RGS7: variants seen among roughly 807,000 people sequenced by gnomAD.
RGS7 encodes regulator of G-protein signaling 7.
A neutral mutation model predicts 81.1 loss-of-function variants in RGS7; 27 were observed. The observed-to-expected ratio is 0.33, with a 90% confidence interval of 0.25 to 0.46. The LOEUF is 0.46. Among genes scored for constraint, RGS7 ranks in the 20% least tolerant of loss-of-function variants. The pLI, the probability that RGS7 is intolerant of heterozygous loss-of-function variation, is 1.00. For missense variants in RGS7, 396 were observed against 607.4 expected (o/e 0.65, Z 3.66); for synonymous variants, 208 against 207.7 (o/e 1.00, Z -0.01).
intron 9 of RGS7, among the ~76,000 whole-genome samples, chr1:240,859,787 T>A (rs2147976487): frequency 6.6e-6 from 1 of 152,282 alleles, no homozygotes; most frequent in East Asian, 1.9e-4. Context: ...AGTTTCCAAA[T>A]GTGGAAGTTT....
At chr1:241,020,827 C>T (rs549076078) in intron 3 of RGS7, among the ~76,000 whole-genome samples, 4 of 152,248 alleles carry the variant, frequency 2.6e-5, no homozygotes, top group Admixed American at 6.5e-5. Context: ...CAGTGCCAGA[C>T]AGTCAAGAAA....
Position 241,117,001 on chromosome 1 carries a change from G to A in RGS7, c.79-18239C>T, listed in dbSNP as rs542063689. Among the ~76,000 whole-genome samples, 8 of 152,184 alleles carry A rather than the reference G, an allele frequency of 5.3e-5. No individual in the cohort carries two copies. In the South Asian group the frequency reaches 8.3e-4, roughly 16 times the overall value. ...GAGCTAGGGTTCTGAGAATTAAACC[G>A]ATAGATGTAAGGTTACACAGTTGGT... On this transcript the variant is annotated intron_variant, in intron 2 of 18. Transcript: ENST00000440928.
intron 4 of RGS7, among the ~76,000 whole-genome samples, chr1:240,979,855 T>C (rs189780154): frequency 2.6e-5 from 4 of 152,256 alleles, no homozygotes; most frequent in Admixed American, 2.6e-4. Context: ...GGACAATCAA[T>C]TTGTTCAAAG....
At chr1:241,176,162 A>G (rs1345371821) in intron 2 of RGS7, among the ~76,000 whole-genome samples, 1 of 152,218 alleles carries the variant, frequency 6.6e-6, no homozygotes, top group Non-Finnish European at 1.5e-5. Context: ...CCCCTTTGTT[A>G]TTATGACTTC....
At chr1:241,027,155 A>G (rs2059831737) in intron 3 of RGS7, among the ~76,000 whole-genome samples, 1 of 151,776 alleles carries the variant, frequency 6.6e-6, no homozygotes, top group African/African-American at 2.4e-5. Context: ...GTTAGCTATG[A>G]TTATGTCATT....
intron 2 of RGS7, among the ~76,000 whole-genome samples, chr1:241,355,438 C>G (rs1184162207): frequency 6.6e-6 from 1 of 152,188 alleles, no homozygotes; most frequent in Non-Finnish European, 1.5e-5. Context: ...AATGCCCAAA[C>G]GTGCTGTCAT....
At chr1:240,896,559 G>A (rs1287672030) in intron 6 of RGS7, among the ~76,000 whole-genome samples, 2 of 152,224 alleles carry the variant, frequency 1.3e-5, no homozygotes, top group Non-Finnish European at 2.9e-5. Context: ...CCCATTTCTT[G>A]TTTTTGTCAG....
chr1:241,115,378 C>T (rs2065818881), intron 2 of RGS7, among the ~76,000 whole-genome samples: 2 of 152,152 alleles, frequency 1.3e-5, no homozygotes, highest in Non-Finnish European at 2.9e-5. Context: ...CACATCATAC[C>T]CAGCAATATT....
intron 18 of RGS7, among the ~76,000 whole-genome samples, chr1:240,779,311 C>T (rs185780223): frequency 6.6e-6 from 1 of 152,092 alleles, no homozygotes; most frequent in East Asian, 1.9e-4. Context: ...CATGCACCAC[C>T]ACGCCCGGCT....
intron 3 of RGS7, among the ~76,000 whole-genome samples, chr1:241,013,371 T>C (rs1173305464): frequency 6.6e-6 from 1 of 152,180 alleles, no homozygotes; most frequent in Non-Finnish European, 1.5e-5. Flanking sequence ...CCCTGATCCC[T>C]GCTTCGAGTC....
chr1:240,873,364 G>T (rs1277997472), intron 6 of RGS7, among the ~76,000 whole-genome samples: 1 of 152,038 alleles, frequency 6.6e-6, no homozygotes, highest in Non-Finnish European at 1.5e-5. Context: ...ATATCTCCCT[G>T]CAGTAGTTTT....
At chr1:240,834,406 A>C (rs1572328479) in intron 9 of RGS7, among the ~76,000 whole-genome samples, 1 of 152,234 alleles carries the variant, frequency 6.6e-6, no homozygotes, top group Non-Finnish European at 1.5e-5. Context: ...AATCATACGA[A>C]GTCAGCCTGA....
At position 241,357,175 on chromosome 1, in the gene RGS7, G is replaced by T. The variant is rs949691482; in HGVS notation, c.-327C>A. Reference sequence around the variant, plus strand: ...TCCCTCCTCCGCTTCTTCTCCCGGGGACTGGGACCAGCCGAGCGCGCGCGG... The same window carrying T: ...TCCCTCCTCCGCTTCTTCTCCCGGGTACTGGGACCAGCCGAGCGCGCGCGG... On this transcript the variant is annotated 5_prime_UTR_variant, in exon 1 of 19. Coordinates refer to ENST00000440928, the MANE Select transcript of RGS7 (RefSeq NM_001364886.1). The T allele has an allele frequency of 1.3e-5, 2 of 152,038 alleles. No homozygotes were observed. The highest frequency in any genetic ancestry group is 2.9e-5 in the Non-Finnish European group (2 of 68,048). 9.4% of individuals were successfully genotyped at this position (152,038 alleles called of 1,614,324 possible).
At chr1:240,923,780 A>C (rs1673975458) in intron 6 of RGS7, among the ~76,000 whole-genome samples, 1 of 151,832 alleles carries the variant, frequency 6.6e-6, no homozygotes, top group South Asian at 2.1e-4. Context: ...GCAATGTTTT[A>C]GATAAAGAAA....
intron 3 of RGS7, among the ~76,000 whole-genome samples, chr1:241,041,886 T>C (rs12085156): frequency 0.024 from 3,647 of 152,214 alleles, 159 homozygotes; most frequent in African/African-American, 0.082. Flanking sequence ...TTCTTGAGGA[T>C]TGGGGGCACA....
chr1:240,930,965 A>T (rs758126257), intron 5 of RGS7, among the ~76,000 whole-genome samples, 197 bp from the exon 6 acceptor site: 1 of 152,172 alleles, frequency 6.6e-6, no homozygotes, highest in South Asian at 2.1e-4. Context: ...TCAGCTTCTA[A>T]ACATGTGTAG....
intron 4 of RGS7, among the ~76,000 whole-genome samples, chr1:240,938,961 T>C (rs752606334): frequency 2.0e-5 from 3 of 152,184 alleles, no homozygotes; most frequent in Admixed American, 6.5e-5. Flanking sequence ...CAGGGTGTCA[T>C]TGTGGAAAGA....
intron 2 of RGS7, among the ~76,000 whole-genome samples, chr1:241,255,815 C>T (rs1225177467): frequency 6.6e-6 from 1 of 152,166 alleles, no homozygotes; most frequent in Non-Finnish European, 1.5e-5. Flanking sequence ...CTAAAACTCC[C>T]AAATGGGTGT....
At chr1:240,837,328 C>A (rs184751283) in intron 9 of RGS7, among the ~76,000 whole-genome samples, 1 of 152,184 alleles carries the variant, frequency 6.6e-6, no homozygotes, top group Non-Finnish European at 1.5e-5. Context: ...TATTTCCCTA[C>A]AAAAAGCTGG....
Sources: allele counts gnomAD v4.1 joint callset (sites outside exome capture counted in the v4.1 genomes callset), GRCh38; gene constraint gnomAD v4.1.1; transcripts MANE v1.5; gene names NCBI Gene and HGNC (gene_info 2026-07-23, HGNC 2026-07-21).